The following FYCO1 variants were observed in gnomAD, a reference collection of about 807,000 sequenced individuals.
FYCO1 encodes the protein FYVE and coiled-coil domain-containing protein 1.
FYCO1 carries 122 observed loss-of-function variants against 165.1 expected under a neutral mutation model. The observed-to-expected ratio is 0.74, with a 90% CI of 0.64 to 0.86. FYCO1 has a LOEUF of 0.86. Among genes scored for constraint, FYCO1 ranks in the 40% least tolerant of loss-of-function variants. The pLI, the probability that FYCO1 is intolerant of heterozygous loss-of-function variation, is 0.00. For synonymous variants in FYCO1, 648 were observed against 742.5 expected, an observed-to-expected ratio of 0.87 and a Z score of 2.07; for missense variants, 1,702 against 1,810.3, an observed-to-expected ratio of 0.94 and a Z score of 1.09.
chr3:45,918,270 C>T lies in FYCO1; in HGVS notation c.*3495G>A, dbSNP rs1330384380. On this transcript the variant is annotated 3_prime_UTR_variant, in exon 18 of 18. Coordinates refer to ENST00000296137, the MANE Select transcript of FYCO1 (RefSeq NM_024513.4). ...CTTTTTTTAAATCAGAGATGCCTCC[C>T]CAAATTTCAAGATGTACTTTATTAT... 1.3e-5 allele frequency: 2 copies of T among 152,392 alleles called. No individual in the cohort carries two copies. Among genetic ancestry groups the T allele is most frequent in the East Asian group, 1.9e-4 (1 of 5,206 alleles). The allele number at this position is 152,392 out of a possible 1,614,324, so 9.4% of individuals were successfully genotyped here.
In FYCO1 at chr3:45,967,490, C is replaced by T. The variant is rs775554737; in HGVS notation, c.1844G>A (p.Arg615Gln). The stretch of plus-strand genomic sequence containing the variant: ...CTTCTCCAGCTCCCTGTTGGCCTGC[C>T]GGAGCTCTTCCTCCTGGCTGCCCTC... ...VQEGSQEEELRQANRELEKEL... is the reference protein window; with the variant it reads ...VQEGSQEEELQQANRELEKEL... The change falls in exon 8 of 18, where the codon CGG becomes CAG. Residue 615 changes from arginine to glutamine, a missense_variant. Arg to Gln is a conservative substitution (Grantham distance 43). Transcript: ENST00000296137. 1.5e-5 allele frequency: 24 copies of T among 1,613,508 alleles called. No individual in the cohort carries two copies. The highest frequency in any genetic ancestry group is 1.6e-4 in the Middle Eastern group (1 of 6,084).
Position 45,967,649 on chromosome 3 carries a change from G to A in FYCO1, c.1685C>T (p.Pro562Leu), listed in dbSNP as rs1706149324. The A allele has an allele frequency of 1.2e-6, 2 of 1,612,762 alleles. No homozygotes were observed. Among genetic ancestry groups the A allele is most frequent in the Non-Finnish European group, 1.7e-6 (2 of 1,179,924 alleles). Residue 562 changes from proline to leucine, a missense_variant, in exon 8 of 18, where the codon CCA becomes CTA. Physicochemically the swap from Pro to Leu is moderately conservative, Grantham distance 98 (BLOSUM62 -3). Transcript: ENST00000296137. ...MLERLAGPPG[P>L]ELPVAGEKNE... is the part of the protein sequence containing the mutation. ...CTTCTCACCTGCCACTGGCAGTTCT[G>A]GGCCAGGCGGCCCAGCAAGCCGCTC...
chr3:45,925,235 T>G (rs1433509783), intron 16 of FYCO1, among the ~76,000 whole-genome samples: 1 of 145,290 alleles, frequency 6.9e-6, no homozygotes, highest in Non-Finnish European at 1.5e-5. Flanking sequence ...GCCCTTACAT[T>G]TTTTTTTTTT....
chr3:45,970,711 C>T (rs1706373676), intron 6 of FYCO1, among the ~76,000 whole-genome samples: 1 of 152,128 alleles, frequency 6.6e-6, no homozygotes, highest in East Asian at 1.9e-4. Flanking sequence ...AAGCTGTGTT[C>T]CACACAGCCC....
At chr3:45,988,809 G>A (rs1030272585) in intron 1 of FYCO1, among the ~76,000 whole-genome samples, 4 of 152,096 alleles carry the variant, frequency 2.6e-5, no homozygotes, top group Non-Finnish European at 2.9e-5. Flanking sequence ...TTTTCACTTG[G>A]TACTACTGTA....
At chr3:45,942,232 G>T (rs997712404) in intron 14 of FYCO1, among the ~76,000 whole-genome samples, 15 of 152,258 alleles carry the variant, frequency 9.9e-5, no homozygotes, top group African/African-American at 3.6e-4. Flanking sequence ...AGTCCTGGGT[G>T]ACTGCCAGGG....
At chr3:45,923,102 T>A (rs72892908) in intron 17 of FYCO1, among the ~76,000 whole-genome samples, 4,578 of 152,228 alleles carry the variant, frequency 0.03, 150 homozygotes, top group African/African-American at 0.079. Flanking sequence ...ACCTATACAC[T>A]CCTGAACCTT....
In FYCO1 at chr3:45,967,179, A is replaced by T; in HGVS notation, c.2155T>A (p.Cys719Ser). ...TGCCGGGCTTCTGCCAGTTGCTGGCACTGCTCCACCTCCTCCCGCAGCTGC... is the reference window on the plus strand; with the variant it reads ...TGCCGGGCTTCTGCCAGTTGCTGGCTCTGCTCCACCTCCTCCCGCAGCTGC... ...CQQLREEVEQ[C>S]QQLAEARHRE... Residue 719 changes from cysteine to serine, a missense_variant, in exon 8 of 18, where the codon TGC becomes AGC. Cys to Ser is a moderately radical substitution (Grantham distance 112). Transcript: ENST00000296137. 2 of 1,613,638 alleles carry T rather than the reference A, an allele frequency of 1.2e-6. No homozygotes were observed. The highest frequency in any genetic ancestry group is 1.7e-5 in the Admixed American group (1 of 60,014).
chr3:45,988,269 C>T (rs941899765), intron 1 of FYCO1, among the ~76,000 whole-genome samples: 6 of 152,286 alleles, frequency 3.9e-5, no homozygotes, highest in South Asian at 2.1e-4. Context: ...CAGCATCTTG[C>T]CCTCCTTGCT....
intron 15 of FYCO1, among the ~76,000 whole-genome samples, chr3:45,935,089 A>C (rs1703822701): frequency 6.6e-6 from 1 of 152,126 alleles, no homozygotes; most frequent in Admixed American, 6.5e-5. Context: ...GGACTGGTGG[A>C]ATAGATTATT....
rs552700670 is a variant in FYCO1, at chr3:45,918,033, G to T, written c.*3732C>A. On this transcript the variant is annotated 3_prime_UTR_variant, in exon 18 of 18. Coordinates refer to ENST00000296137, the MANE Select transcript of FYCO1 (RefSeq NM_024513.4). The stretch of plus-strand genomic sequence containing the variant: ...TTTCCACCCCCATTGAGCAGGTGGG[G>T]TGCTGGTATTTGATGTGCTTCTAGA... The T allele has an allele frequency of 6.5e-6, 1 of 152,722 alleles. No individual in the cohort carries two copies. The highest frequency in any genetic ancestry group is 2.1e-4 in the South Asian group (1 of 4,824). The allele number at this position is 152,722 out of a possible 1,614,324, so 9.5% of individuals were successfully genotyped here.
intron 14 of FYCO1, among the ~76,000 whole-genome samples, chr3:45,951,484 A>T (rs1214576189): frequency 6.6e-6 from 1 of 152,146 alleles, no homozygotes; most frequent in Non-Finnish European, 1.5e-5. Flanking sequence ...GGAGGCCATG[A>T]CTGGGTAGAG....
chr3:45,954,218 G>C (rs976494085), intron 14 of FYCO1, among the ~76,000 whole-genome samples: 1 of 151,558 alleles, frequency 6.6e-6, no homozygotes, highest in Admixed American at 6.6e-5. Flanking sequence ...ACATTTTTTG[G>C]GGGGGGTAAG....
chr3:45,968,752 G>A (rs1706259411), intron 7 of FYCO1, 49 bp from the exon 8 acceptor site: 1 of 1,610,550 alleles, frequency 6.2e-7, no homozygotes. Flanking sequence ...GAAGCTACAG[G>A]GCTATTTAGA....
At chr3:45,926,566 CA>C (rs1282032606) in intron 16 of FYCO1, among the ~76,000 whole-genome samples, 3 of 152,160 alleles carry the variant, frequency 2.0e-5, no homozygotes, top group African/African-American at 7.2e-5. Flanking sequence ...TTGGAGATTT[CA>C]ATACCTCTTT....
At chr3:45,940,544 CT>C (rs1480624322) in intron 14 of FYCO1, among the ~76,000 whole-genome samples, 15 of 152,194 alleles carry the variant, frequency 9.9e-5, no homozygotes, top group Admixed American at 9.8e-4. Context: ...TGCGGACAGC[CT>C]GCTCCAAGGG....
intron 16 of FYCO1, among the ~76,000 whole-genome samples, chr3:45,929,301 G>A (rs1433117914): frequency 1.3e-5 from 2 of 152,160 alleles, no homozygotes; most frequent in African/African-American, 4.8e-5. Flanking sequence ...AGGCTCAGTA[G>A]GTCCCCAAGT....
Position 45,920,950 on chromosome 3 carries a change from T to G in FYCO1, c.*815A>C, listed in dbSNP as rs1275897040. ...TCACAACATCCACACTGGCTGGCAT[T>G]TGGGCATTAGATGTAGTGTACACAC... On this transcript the variant is annotated 3_prime_UTR_variant, in exon 18 of 18. Coordinates refer to ENST00000296137, the MANE Select transcript of FYCO1 (RefSeq NM_024513.4). 1 of 152,902 alleles carries G rather than the reference T, an allele frequency of 6.5e-6. No homozygotes were observed. Among genetic ancestry groups the G allele is most frequent in the Non-Finnish European group, 1.5e-5 (1 of 68,290 alleles). 9.5% of individuals were successfully genotyped at this position (152,902 alleles called of 1,614,324 possible). A position where few individuals can be genotyped will look rare whatever the true frequency, so the allele number is the denominator to read the frequency against.
rs879430132 is a variant in FYCO1, at chr3:45,962,786, G to A, written c.3270-394C>T. Reference sequence around the variant, plus strand: ...ACAGAGGTGTAGCTTCCTGGAGGTGGCCACACAGAGGAGGGCCTGTCTTCC... The same window carrying A: ...ACAGAGGTGTAGCTTCCTGGAGGTGACCACACAGAGGAGGGCCTGTCTTCC... On this transcript the variant is annotated intron_variant, in intron 10 of 17. Coordinates refer to ENST00000296137, the MANE Select transcript of FYCO1 (RefSeq NM_024513.4). The surrounding 1 kb of genome is among the most constrained non-coding windows in gnomAD (Gnocchi z 4.4). Among the ~76,000 whole-genome samples, 13 of 152,156 alleles carry A rather than the reference G, an allele frequency of 8.5e-5. No individual in the cohort carries two copies. The highest frequency in any genetic ancestry group is 1.6e-4 in the Non-Finnish European group (11 of 68,024).
Sources: allele counts gnomAD v4.1 joint callset (sites outside exome capture counted in the v4.1 genomes callset), GRCh38; gene constraint gnomAD v4.1.1; non-coding constraint Gnocchi (gnomAD v3.1); transcripts MANE v1.5; gene names NCBI Gene and HGNC (gene_info 2026-07-23, HGNC 2026-07-21).